ITGA1: variants seen among roughly 807,000 people sequenced by gnomAD.
The protein encoded by ITGA1 is integrin alpha-1.
Under a neutral mutation model 145.9 loss-of-function variants are expected in ITGA1, and 85 were observed. That is an observed-to-expected ratio of 0.58 (90% CI 0.49 to 0.70). The LOEUF (loss-of-function observed/expected upper bound fraction) is 0.70. ITGA1 is among the 30% of genes least tolerant of loss of function. The pLI, the probability that ITGA1 is intolerant of heterozygous loss-of-function variation, is 0.00. For synonymous variants in ITGA1, 520 were observed against 495.3 expected (o/e 1.05, Z -0.66); for missense variants, 1,351 against 1,418.7 (o/e 0.95, Z 0.77).
rs1480529276 is a variant in ITGA1, at chr5:52,820,063, T to C, written c.62-29302T>C. ...GGTTACTGTAGCCTTGTAGTATAAT[T>C]TGAAGTCAGGTAGCATGATGCCTCC... is the stretch of plus-strand genomic sequence containing the variant. On this transcript the variant is annotated intron_variant, in intron 1 of 28. Transcript: ENST00000282588. Among the ~76,000 whole-genome samples the C allele has an allele frequency of 5.9e-5, 9 of 152,142 alleles. No homozygotes were observed. In the East Asian group the frequency reaches 1.6e-3, roughly 26 times the overall value.
At chr5:52,801,687 T>C in intron 1 of ITGA1, 1 of 1,614,194 alleles carries the variant, frequency 6.2e-7, no homozygotes, top group Non-Finnish European at 8.5e-7. Flanking sequence ...TGGTGGACAG[T>C]GTGAAAGAGA....
chr5:52,858,426 A>G (rs1580065901), intron 2 of ITGA1, among the ~76,000 whole-genome samples: 1 of 152,210 alleles, frequency 6.6e-6, no homozygotes, highest in South Asian at 2.1e-4. Context: ...CAATATTGCA[A>G]TAGTACATGT....
rs139359041 is a variant in ITGA1, at chr5:52,814,376, G to T, written c.61+25962G>T. ...TGGTCTCAAACTTCTAACCTCAGGTGATCTGCCTACCCCAGGCTCCCAAAG... is the reference window on the plus strand; with the variant it reads ...TGGTCTCAAACTTCTAACCTCAGGTTATCTGCCTACCCCAGGCTCCCAAAG... On this transcript the variant is annotated intron_variant, in intron 1 of 28. Coordinates refer to ENST00000282588, the MANE Select transcript of ITGA1 (RefSeq NM_181501.2). 3.3e-3 allele frequency among the ~76,000 whole-genome samples: 504 copies of T among 152,164 alleles called. 2 individuals are homozygous for T. The highest frequency in any genetic ancestry group is 0.012 in the African/African-American group (481 of 41,502).
chr5:52,845,678 T>C (rs963986781), intron 1 of ITGA1, among the ~76,000 whole-genome samples: 2 of 152,192 alleles, frequency 1.3e-5, no homozygotes, highest in African/African-American at 4.8e-5. Context: ...CATGAAGTGC[T>C]ATTGGCTTCA....
intron 1 of ITGA1, among the ~76,000 whole-genome samples, chr5:52,826,834 C>T (rs887793627): frequency 1.3e-5 from 2 of 152,166 alleles, no homozygotes; most frequent in African/African-American, 4.8e-5. Flanking sequence ...TATTACTGCT[C>T]ATTGGTGATA....
chr5:52,913,939 C>A (rs891751741), intron 14 of ITGA1, among the ~76,000 whole-genome samples: 4 of 152,026 alleles, frequency 2.6e-5, no homozygotes, highest in Non-Finnish European at 5.9e-5. Flanking sequence ...AAGAGACAGG[C>A]AATATTAATG....
At chr5:52,890,727 G>A (rs191516803) in intron 8 of ITGA1, among the ~76,000 whole-genome samples, 1 of 152,208 alleles carries the variant, frequency 6.6e-6, no homozygotes, top group East Asian at 1.9e-4. Flanking sequence ...TCTTTGTGTT[G>A]GGAATATTCC....
At chr5:52,788,436 G>T in intron 1 of ITGA1, 22 bp downstream of exon 1, 1 of 1,494,512 alleles carries the variant, frequency 6.7e-7, no homozygotes, top group South Asian at 1.3e-5. Context: ...GCTTTTCTCT[G>T]AGCATCTCCT....
chr5:52,947,025 A>G (rs1751145261), intron 27 of ITGA1, among the ~76,000 whole-genome samples: 1 of 152,228 alleles, frequency 6.6e-6, no homozygotes. Flanking sequence ...TTAATCTTTA[A>G]CACACATAAT....
intron 8 of ITGA1, among the ~76,000 whole-genome samples, chr5:52,890,835 A>G (rs556410311): frequency 2.4e-4 from 36 of 152,302 alleles, no homozygotes; most frequent in Middle Eastern, 6.8e-3. Context: ...CCATCTAATT[A>G]TAGTTTTAAA....
intron 11 of ITGA1, 168 bp from the exon 12 acceptor site, chr5:52,905,594 AT>A (rs758111980): frequency 3.7e-5 from 18 of 485,938 alleles, no homozygotes; most frequent in Non-Finnish European, 6.0e-5. Context: ...TAGAGAGCAT[AT>A]TAAAAGCTTC....
intron 11 of ITGA1, among the ~76,000 whole-genome samples, chr5:52,899,396 G>C (rs928365859): frequency 6.6e-6 from 1 of 152,138 alleles, no homozygotes; most frequent in Admixed American, 6.5e-5. Context: ...AAGAATAAAA[G>C]GACTAGAGTT....
At chr5:52,855,138 G>GAGAC (rs1206869652) in intron 2 of ITGA1, among the ~76,000 whole-genome samples, 5 of 152,194 alleles carry the variant, frequency 3.3e-5, no homozygotes, top group Non-Finnish European at 5.9e-5. Context: ...ACAGGAAACT[G>GAGAC]AGACAGAGAA....
At chr5:52,913,526 A>G (rs1457298486) in intron 14 of ITGA1, among the ~76,000 whole-genome samples, 3 of 151,990 alleles carry the variant, frequency 2.0e-5, no homozygotes, top group Non-Finnish European at 4.4e-5. Context: ...TTTTTCCTTC[A>G]TTAGAAAAAT....
chr5:52,851,279 A>C (rs1017590599), intron 2 of ITGA1, among the ~76,000 whole-genome samples: 2 of 152,292 alleles, frequency 1.3e-5, no homozygotes, highest in Admixed American at 6.5e-5. Flanking sequence ...GTCCTTAATT[A>C]TATGAATGAA....
chr5:52,908,433 TGAG>T (rs936741896), intron 12 of ITGA1, among the ~76,000 whole-genome samples: 3 of 152,202 alleles, frequency 2.0e-5, no homozygotes, highest in African/African-American at 7.2e-5. Flanking sequence ...ACCATTTCAT[TGAG>T]AAGACAATCT....
At chr5:52,913,925 T>C (rs1412156915) in intron 14 of ITGA1, among the ~76,000 whole-genome samples, 2 of 152,180 alleles carry the variant, frequency 1.3e-5, no homozygotes, top group African/African-American at 4.8e-5. Flanking sequence ...ATTATTTACT[T>C]AACAAGAGAC....
intron 26 of ITGA1, among the ~76,000 whole-genome samples, chr5:52,941,963 G>C (rs1343970138): frequency 3.3e-5 from 5 of 152,162 alleles, no homozygotes; most frequent in Non-Finnish European, 7.4e-5. Context: ...TATGGGGAAA[G>C]TTAGGGGTCC....
At chr5:52,837,834 A>G (rs563594578) in intron 1 of ITGA1, among the ~76,000 whole-genome samples, 35 of 152,306 alleles carry the variant, frequency 2.3e-4, no homozygotes, top group East Asian at 1.5e-3. Flanking sequence ...CAGCAATTAT[A>G]ACTAAGAAAA....
Sources: gnomAD v4.1 joint callset for allele counts (sites outside exome capture counted in the v4.1 genomes callset) on GRCh38, gnomAD v4.1.1 for gene constraint, MANE v1.5 for transcripts, NCBI Gene and HGNC (gene_info 2026-07-23, HGNC 2026-07-21) for gene names.